The following EFNA2 variants were observed in gnomAD, a reference collection of about 807,000 sequenced individuals.
EFNA2 encodes the protein ephrin A2.
Under a neutral mutation model 19.7 loss-of-function variants are expected in EFNA2, and 18 were observed. The observed-to-expected ratio is 0.91, with a 90% CI of 0.63 to 1.35. The LOEUF (loss-of-function observed/expected upper bound fraction) is 1.35. Among genes scored for constraint, EFNA2 ranks in the 40% most tolerant of loss-of-function variants. The pLI is 0.00. For synonymous variants in EFNA2, 187 were observed against 137.8 expected (o/e 1.36, Z -2.50); for missense variants, 303 against 296.0 (o/e 1.02, Z -0.17).
At position 1,295,093 on chromosome 19, in the gene EFNA2, G is replaced by A. The variant is rs924626346; in HGVS notation, c.141-452G>A. ...GGGGACACTGAGGCAGGAGGTGGGG[G>A]GCAGTGCCAGGCAAGAGATCGTGGG... On this transcript the variant is annotated intron_variant, in intron 1 of 3. Coordinates refer to ENST00000215368, the MANE Select transcript of EFNA2 (RefSeq NM_001405.4). This position sits in a 1 kb window ranked among gnomAD's most constrained non-coding sequence, Gnocchi z 5.8. 5.9e-5 allele frequency among the ~76,000 whole-genome samples: 9 copies of A among 152,108 alleles called. No individual in the cohort carries two copies. The highest frequency in any genetic ancestry group is 1.3e-4 in the Non-Finnish European group (9 of 68,002).
chr19:1,299,487 CG>C (rs2144626227), intron 3 of EFNA2, among the ~76,000 whole-genome samples: 1 of 143,170 alleles, frequency 7.0e-6, no homozygotes, highest in African/African-American at 2.6e-5. Context: ...ACCCGGGAGG[CG>C]GAGGTTGCAG....
Position 1,300,105 on chromosome 19 carries a change from C to G in EFNA2, c.*160C>G. 3 of 1,050,368 alleles carry G rather than the reference C, an allele frequency of 2.9e-6. No individual in the cohort carries two copies. The highest frequency in any genetic ancestry group is 3.5e-5 in the South Asian group (2 of 56,604). 65.1% of individuals were successfully genotyped at this position (1,050,368 alleles called of 1,614,324 possible). ...CCCCGCCGGGCAGGGGCCATCCACC[C>G]GCCCCAGGACCAGCCCTCAGGGAGG... On this transcript the variant is annotated 3_prime_UTR_variant, in exon 4 of 4. Transcript: ENST00000215368.
chr19:1,285,941 T>G lies in EFNA2; in HGVS notation c.-228T>G, dbSNP rs2144608988. Among the ~76,000 whole-genome samples the G allele has an allele frequency of 7.0e-6, 1 of 142,950 alleles. No individual in the cohort carries two copies. The highest frequency in any genetic ancestry group is 1.5e-5 in the Non-Finnish European group (1 of 64,898). The allele number at this position is 142,950 out of a possible 152,430, so 93.8% of individuals were successfully genotyped here. A position where few individuals can be genotyped will look rare whatever the true frequency, so the allele number is the denominator to read the frequency against. ...CGCTCCGACAGTCCGCGCGGCCGGG[T>G]CCTGCGCCCGGGGCGACCCCGGCGC... On this transcript the variant is annotated 5_prime_UTR_variant, in exon 1 of 4. Transcript: ENST00000215368. The surrounding 1 kb of genome is among the most constrained non-coding windows in gnomAD (Gnocchi z 4.1).
rs1252922581 is a variant in EFNA2 at position 1,299,555 on chromosome 19, A to T, written c.521-269A>T. On this transcript the variant is annotated intron_variant, in intron 3 of 3. Coordinates refer to ENST00000215368, the MANE Select transcript of EFNA2 (RefSeq NM_001405.4). Reference sequence around the variant, plus strand: ...TGGCGACGGTGAGACTCCGTCTCAAAAAATAAATAAATAAATAAAAATAAA... The same window carrying T: ...TGGCGACGGTGAGACTCCGTCTCAATAAATAAATAAATAAATAAAAATAAA... Among the ~76,000 whole-genome samples, 11 of 152,072 alleles carry T rather than the reference A, an allele frequency of 7.2e-5. No individual in the cohort carries two copies. In the East Asian group the frequency reaches 1.7e-3, roughly 24 times the overall value.
chr19:1,289,220 GTGTC>G (rs955205327), intron 1 of EFNA2, among the ~76,000 whole-genome samples: 28 of 152,384 alleles, frequency 1.8e-4, no homozygotes, highest in Admixed American at 6.5e-4. Flanking sequence ...GTGCATGAGT[GTGTC>G]TGTGCGTGGC....
chr19:1,301,255 CCGGCCGG>C lies in EFNA2; in HGVS notation c.*1315_*1321del, dbSNP rs1469120093. On this transcript the variant is annotated 3_prime_UTR_variant, in exon 4 of 4. Transcript: ENST00000215368. ...TATAAATATATATTGTGTACGGCCG[CCGGCCGG>C]CGGCTCGAGGCACGCCCGGTGGTGG... Among the ~76,000 whole-genome samples, 1 of 148,802 alleles carries C rather than the reference CCGGCCGG, an allele frequency of 6.7e-6. No individual in the cohort carries two copies. The highest frequency in any genetic ancestry group is 2.0e-4 in the East Asian group (1 of 5,098).
rs2081472689 is a variant in EFNA2, at chr19:1,287,721, C to G, written c.140+1413C>G. Among the ~76,000 whole-genome samples the G allele has an allele frequency of 6.6e-6, 1 of 152,188 alleles. No homozygotes were observed. Among genetic ancestry groups the G allele is most frequent in the South Asian group, 2.1e-4 (1 of 4,830 alleles). The stretch of plus-strand genomic sequence containing the variant: ...GCGGGTCCCCGAGCCGCCCGCTGTG[C>G]TGGTCACATGTGGGTTTGATTAAGG... On this transcript the variant is annotated intron_variant, in intron 1 of 3. Coordinates refer to ENST00000215368, the MANE Select transcript of EFNA2 (RefSeq NM_001405.4). The surrounding 1 kb of genome is among the most constrained non-coding windows in gnomAD (Gnocchi z 6.2).
chr19:1,288,136 G>T (rs566197099), intron 1 of EFNA2, among the ~76,000 whole-genome samples: 1 of 152,254 alleles, frequency 6.6e-6, no homozygotes, highest in Non-Finnish European at 1.5e-5. Context: ...TCCTGCCTGC[G>T]GTATCCAGGG....
chr19:1,293,908 G>A (rs1241111113), intron 1 of EFNA2, among the ~76,000 whole-genome samples: 1 of 152,244 alleles, frequency 6.6e-6, no homozygotes, highest in African/African-American at 2.4e-5. Context: ...TCTCAGGGTG[G>A]CGGGGGGCCG....
In EFNA2 at chr19:1,297,889, T is replaced by A. The variant is rs188346964; in HGVS notation, c.455-662T>A. 9.5e-4 allele frequency among the ~76,000 whole-genome samples: 144 copies of A among 152,030 alleles called. No individual in the cohort carries two copies. The highest frequency in any genetic ancestry group is 3.3e-3 in the African/African-American group (138 of 41,474). ...GAGTTCAAGACCAGCCCGGCCAACA[T>A]GGTGAAACCCCGTTTCTACTAAAAA... On this transcript the variant is annotated intron_variant, in intron 2 of 3. Transcript: ENST00000215368. This position sits in a 1 kb window ranked among gnomAD's most constrained non-coding sequence, Gnocchi z 5.0.
At position 1,286,272 on chromosome 19, in the gene EFNA2, A is replaced by G; in HGVS notation, c.104A>G (p.Asp35Gly). ...GAGGACGCCGCCCGCGCCAACTCGG[A>G]CCGCTACGCCGTCTACTGGAACCGC... ...RAEDAARANS[D>G]RYAVYWNRSN... The change falls in exon 1 of 4, where the codon GAC (aspartate) becomes GGC (glycine). Residue 35 changes from aspartate to glycine, a missense_variant. Coordinates refer to ENST00000215368, the MANE Select transcript of EFNA2 (RefSeq NM_001405.4). The surrounding 1 kb of genome is among the most constrained non-coding windows in gnomAD (Gnocchi z 5.6). 9.1e-7 allele frequency: 1 copy of G among 1,099,376 alleles called. No individual in the cohort carries two copies. The highest frequency in any genetic ancestry group is 1.1e-6 in the Non-Finnish European group (1 of 894,162). 68.1% of individuals were successfully genotyped at this position (1,099,376 alleles called of 1,614,324 possible). A position where few individuals can be genotyped will look rare whatever the true frequency, so the allele number is the denominator to read the frequency against.
intron 1 of EFNA2, among the ~76,000 whole-genome samples, chr19:1,293,140 G>A (rs1042368766): frequency 7.9e-5 from 12 of 152,176 alleles, no homozygotes; most frequent in African/African-American, 2.7e-4. Flanking sequence ...GAGCCCAGAC[G>A]CCCCTGTGGT....
In EFNA2 at chr19:1,286,980, A is replaced by G. The variant is rs1049406473; in HGVS notation, c.140+672A>G. Among the ~76,000 whole-genome samples the G allele has an allele frequency of 1.5e-4, 23 of 152,058 alleles. No individual in the cohort carries two copies. The highest frequency in any genetic ancestry group is 5.5e-4 in the African/African-American group (23 of 41,450). On this transcript the variant is annotated intron_variant, in intron 1 of 3. Transcript: ENST00000215368. The surrounding 1 kb of genome is among the most constrained non-coding windows in gnomAD (Gnocchi z 5.6). ...ACCAGGAAACTGAGGTGCAGAGGGG[A>G]TGAGGAGCTGGCTCAAGGTCATGCA... is the stretch of plus-strand genomic sequence containing the variant.
In EFNA2 at chr19:1,296,985, G is replaced by A. The variant is rs1024749755; in HGVS notation, c.454+1127G>A. ...GGTGGGGAACACAGCAGCGCCAGCC[G>A]GAGTCCCAGTCCTGCTTGGCCATGA... On this transcript the variant is annotated intron_variant, in intron 2 of 3. Transcript: ENST00000215368. The surrounding 1 kb of genome is among the most constrained non-coding windows in gnomAD (Gnocchi z 4.4). Among the ~76,000 whole-genome samples the A allele has an allele frequency of 2.6e-5, 4 of 152,216 alleles. No homozygotes were observed. The highest frequency in any genetic ancestry group is 4.8e-5 in the African/African-American group (2 of 41,440).
At chr19:1,288,089 C>T (rs535886392) in intron 1 of EFNA2, among the ~76,000 whole-genome samples, 5 of 152,256 alleles carry the variant, frequency 3.3e-5, no homozygotes, top group South Asian at 2.1e-4. Context: ...TCCGCAGAGC[C>T]GACCTGGGCA....
intron 1 of EFNA2, among the ~76,000 whole-genome samples, chr19:1,289,990 A>G (rs1423516009): frequency 1.3e-5 from 2 of 151,286 alleles, no homozygotes; most frequent in African/African-American, 2.4e-5. Flanking sequence ...TCGGGGCCTG[A>G]GGGTGGGGTC....
rs894199108 is a variant in EFNA2, at chr19:1,294,259, G to A, written c.141-1286G>A. On this transcript the variant is annotated intron_variant, in intron 1 of 3. Coordinates refer to ENST00000215368, the MANE Select transcript of EFNA2 (RefSeq NM_001405.4). This position sits in a 1 kb window ranked among gnomAD's most constrained non-coding sequence, Gnocchi z 5.8. ...GGTCCAGGCCGCCGGTTACATGACA[G>A]GGGCCCTGGGGACCACAGCCGGGAG... 3.9e-5 allele frequency among the ~76,000 whole-genome samples: 6 copies of A among 152,216 alleles called. No individual in the cohort carries two copies. Among genetic ancestry groups the A allele is most frequent in the Non-Finnish European group, 8.8e-5 (6 of 68,032 alleles).
At chr19:1,290,606 C>T (rs909588796) in intron 1 of EFNA2, among the ~76,000 whole-genome samples, 3 of 152,172 alleles carry the variant, frequency 2.0e-5, no homozygotes, top group African/African-American at 7.2e-5. Context: ...CATGAGGGTC[C>T]TGCCCCGGTG....
chr19:1,293,918 G>A (rs556825120), intron 1 of EFNA2, among the ~76,000 whole-genome samples: 4 of 152,360 alleles, frequency 2.6e-5, no homozygotes, highest in South Asian at 2.1e-4. Context: ...GCGGGGGGCC[G>A]GGCTGATGCC....
Sources: gnomAD v4.1 joint callset for allele counts (sites outside exome capture counted in the v4.1 genomes callset) on GRCh38, gnomAD v4.1.1 for gene constraint, Gnocchi (gnomAD v3.1) non-coding constraint, MANE v1.5 for transcripts, NCBI Gene and HGNC (gene_info 2026-07-23, HGNC 2026-07-21) for gene names.